Variants in SEL1L observed in about 807,000 individuals in gnomAD.
SEL1L encodes the protein SEL1L adaptor subunit of SYVN1 ubiquitin ligase.
A neutral mutation model predicts 109.8 loss-of-function variants in SEL1L; 52 were observed. That is an observed-to-expected ratio of 0.47 (90% CI 0.38 to 0.60). The LOEUF (loss-of-function observed/expected upper bound fraction) is 0.60. Ranked by LOEUF, SEL1L falls within the 20% of genes least tolerant of loss-of-function variation. SEL1L has a pLI of 0.00. For synonymous variants in SEL1L, 373 were observed against 339.6 expected, an observed-to-expected ratio of 1.10 and a Z score of -1.08; for missense variants, 749 against 962.2, an observed-to-expected ratio of 0.78 and a Z score of 2.93.
chr14:81,482,377 C>G (rs1343659516), intron 19 of SEL1L, among the ~76,000 whole-genome samples: 2 of 152,136 alleles, frequency 1.3e-5, no homozygotes, highest in African/African-American at 2.4e-5. Flanking sequence ...TTAAACTTCA[C>G]TTGAATTAAA....
chr14:81,514,608 T>C (rs1367727090), intron 3 of SEL1L, among the ~76,000 whole-genome samples: 1 of 152,188 alleles, frequency 6.6e-6, no homozygotes, highest in Non-Finnish European at 1.5e-5. Context: ...GGAGGAAAAC[T>C]AGTGTTTCTG....
chr14:81,489,242 G>A lies in SEL1L; in HGVS notation c.1395+10C>T, dbSNP rs1481414535. The A allele has an allele frequency of 6.2e-7, 1 of 1,611,860 alleles. No individual in the cohort carries two copies. On this transcript the variant is annotated intron_variant, in intron 14 of 20. Coordinates refer to ENST00000336735, the MANE Select transcript of SEL1L (RefSeq NM_005065.6). Reference sequence around the variant, plus strand: ...CTCATTAAAGAGAGAATGTCAGACTGAACACTTACAACTTGAACTCCTCTC... The same window carrying A: ...CTCATTAAAGAGAGAATGTCAGACTAAACACTTACAACTTGAACTCCTCTC...
intron 1 of SEL1L, among the ~76,000 whole-genome samples, chr14:81,529,967 A>C (rs907797868): frequency 1.3e-5 from 2 of 152,256 alleles, no homozygotes; most frequent in Non-Finnish European, 2.9e-5. Flanking sequence ...AAAAGGATTA[A>C]GTTATGCGCT....
intron 3 of SEL1L, 108 bp downstream of exon 3, chr14:81,526,625 T>C (rs1456064474): frequency 5.0e-6 from 4 of 800,280 alleles, no homozygotes; most frequent in South Asian, 3.0e-5. Flanking sequence ...ATATTATTTG[T>C]GGGTAATAAT....
chr14:81,491,509 T>C (rs987997629), intron 12 of SEL1L, among the ~76,000 whole-genome samples: 1 of 152,236 alleles, frequency 6.6e-6, no homozygotes, highest in Admixed American at 6.5e-5. Context: ...TTCTATGCTA[T>C]GGAACAGCTG....
chr14:81,510,508 C>CTA lies in SEL1L; in HGVS notation c.341-4268_341-4267insTA, dbSNP rs1341079977. 5.1e-3 allele frequency among the ~76,000 whole-genome samples: 598 copies of CTA among 116,352 alleles called. 1 individual carries two copies. Among genetic ancestry groups the CTA allele is most frequent in the Middle Eastern group, 0.011 (2 of 186 alleles). The allele number at this position is 116,352 out of a possible 152,430, so 76.3% of individuals were successfully genotyped here. A position where few individuals can be genotyped will look rare whatever the true frequency, so the allele number is the denominator to read the frequency against. On this transcript the variant is annotated intron_variant, in intron 3 of 20. Coordinates refer to ENST00000336735, the MANE Select transcript of SEL1L (RefSeq NM_005065.6). ...TCTCTCTCTCTCTCTCTCTCTCTCTCTCTCTCTATATATATATATATAGAC... is the reference window on the plus strand; with the variant it reads ...TCTCTCTCTCTCTCTCTCTCTCTCTCTATCTCTCTATATATATATATATAGAC...
intron 4 of SEL1L, among the ~76,000 whole-genome samples, chr14:81,504,612 A>G (rs114447443): frequency 0.01 from 1,531 of 152,154 alleles, 21 homozygotes; most frequent in African/African-American, 0.035. Context: ...ATATAATTCA[A>G]CTAAAATTTC....
chr14:81,514,836 A>G (rs906378173), intron 3 of SEL1L, among the ~76,000 whole-genome samples: 1 of 152,126 alleles, frequency 6.6e-6, no homozygotes, highest in Non-Finnish European at 1.5e-5. Context: ...TTTCTGCACT[A>G]TGGCCTGGCC....
chr14:81,506,372 A>C (rs999104033), intron 3 of SEL1L, 131 bp from the exon 4 acceptor site: 2 of 762,950 alleles, frequency 2.6e-6, no homozygotes, highest in Admixed American at 6.3e-5. Context: ...CTGGGAACAT[A>C]AAAGGGCTAG....
rs555563478 is a variant in SEL1L, at chr14:81,490,719, G to A, written c.1255-254C>T. On this transcript the variant is annotated intron_variant, in intron 12 of 20. Coordinates refer to ENST00000336735, the MANE Select transcript of SEL1L (RefSeq NM_005065.6). ...AGTTCAAGACCAGCCTGGCCAATAT[G>A]GCAAAACCCTGTCTCTACTAAAAAT... Among the ~76,000 whole-genome samples the A allele has an allele frequency of 2.2e-4, 34 of 152,282 alleles. No individual in the cohort carries two copies. The South Asian group carries it at 7.0e-3, about 32-fold the overall frequency.
intron 1 of SEL1L, among the ~76,000 whole-genome samples, chr14:81,531,383 G>C (rs1885315425): frequency 6.6e-6 from 1 of 152,138 alleles, no homozygotes; most frequent in Admixed American, 6.5e-5. Context: ...CACCTGGAGA[G>C]ATGCGACCTG....
intron 14 of SEL1L, among the ~76,000 whole-genome samples, chr14:81,488,310 T>C (rs910672621): frequency 1.3e-5 from 2 of 152,204 alleles, no homozygotes; most frequent in African/African-American, 4.8e-5. Flanking sequence ...TATCTCCTTA[T>C]TCATTTATTC....
At chr14:81,510,989 A>G (rs1256152434) in intron 3 of SEL1L, among the ~76,000 whole-genome samples, 1 of 152,246 alleles carries the variant, frequency 6.6e-6, no homozygotes, top group Non-Finnish European at 1.5e-5. Context: ...TACCTGACTT[A>G]AAGTAAGTGA....
intron 8 of SEL1L, chr14:81,498,709 T>C (rs1245284121): frequency 2.4e-6 from 1 of 409,558 alleles, no homozygotes; most frequent in Non-Finnish European, 4.4e-6. Flanking sequence ...AATAATATAG[T>C]TCCTAGAGCA....
At chr14:81,486,032 C>T (rs1349542826) in intron 17 of SEL1L, among the ~76,000 whole-genome samples, 1 of 152,116 alleles carries the variant, frequency 6.6e-6, no homozygotes, top group Non-Finnish European at 1.5e-5. Context: ...TTTTTGTATC[C>T]ACTGTATTTT....
At chr14:81,492,402 T>A in intron 12 of SEL1L, 78 bp downstream of exon 12, 2 of 1,032,866 alleles carry the variant, frequency 1.9e-6, no homozygotes. Context: ...TGGTAAATTG[T>A]AGATCCTGAA....
At chr14:81,532,720 AAAAAAGCTGACATTTATTAAAAAAAG>A (rs1442580230) in intron 1 of SEL1L, among the ~76,000 whole-genome samples, 2 of 152,204 alleles carry the variant, frequency 1.3e-5, no homozygotes, top group Non-Finnish European at 2.9e-5. Flanking sequence ...TTTCTGTTAA[AAAAAAGCTGACATTTATTAAAAAAAG>A]AAAAAGCTGA....
At chr14:81,496,341 A>C (rs1742255164) in intron 10 of SEL1L, among the ~76,000 whole-genome samples, 1 of 132,694 alleles carries the variant, frequency 7.5e-6, no homozygotes, top group South Asian at 2.1e-4. Context: ...AAACAAAAAC[A>C]AAAAAAAAAC....
chr14:81,504,861 G>A (rs1006743001), intron 4 of SEL1L, among the ~76,000 whole-genome samples: 3 of 151,976 alleles, frequency 2.0e-5, no homozygotes, highest in African/African-American at 4.8e-5. Context: ...CATCTCTCTC[G>A]TTCCTGCTCC....
Sources: allele counts gnomAD v4.1 joint callset (sites outside exome capture counted in the v4.1 genomes callset), GRCh38; gene constraint gnomAD v4.1.1; transcripts MANE v1.5; gene names NCBI Gene and HGNC (gene_info 2026-07-23, HGNC 2026-07-21).